Variants in RPS6KA5 observed in about 807,000 individuals in gnomAD.
The protein encoded by RPS6KA5 is ribosomal protein S6 kinase A5.
In RPS6KA5, 27 loss-of-function variants were observed where a neutral mutation model predicts 85.5. That is an observed-to-expected ratio of 0.32 (90% confidence interval 0.23 to 0.44). The LOEUF is 0.44. Ranked by LOEUF, RPS6KA5 falls within the 20% of genes least tolerant of loss-of-function variation. The probability of loss-of-function intolerance (pLI) is 1.00; values close to 1 mark genes in which losing one functional copy is unlikely to be tolerated. For missense variants in RPS6KA5, 811 were observed against 980.9 expected (o/e 0.83, Z 2.31); for synonymous variants, 334 against 348.2 (o/e 0.96, Z 0.46).
At chr14:90,968,309 T>A (rs1455255059) in intron 3 of RPS6KA5, among the ~76,000 whole-genome samples, 1 of 152,058 alleles carries the variant, frequency 6.6e-6, no homozygotes, top group Non-Finnish European at 1.5e-5. Context: ...CCTCCCTCCC[T>A]CTTCCTATTG....
intron 1 of RPS6KA5, among the ~76,000 whole-genome samples, chr14:91,026,688 G>A (rs1176240723): frequency 6.6e-6 from 1 of 152,152 alleles, no homozygotes; most frequent in East Asian, 1.9e-4. Context: ...TAGATCAAAT[G>A]GTAGTTCTAA....
intron 5 of RPS6KA5, among the ~76,000 whole-genome samples, chr14:90,928,414 C>T (rs762976203): frequency 3.3e-5 from 5 of 151,318 alleles, no homozygotes; most frequent in Non-Finnish European, 5.9e-5. Context: ...AAATAATAAA[C>T]CTCATCAAAG....
chr14:90,975,667 C>T (rs1051089870), intron 3 of RPS6KA5, among the ~76,000 whole-genome samples: 1 of 152,128 alleles, frequency 6.6e-6, no homozygotes, highest in African/African-American at 2.4e-5. Flanking sequence ...TTTAAGCCAC[C>T]CAGCCCTAGC....
At chr14:90,920,360 T>A (rs1484927461) in intron 6 of RPS6KA5, 51 bp from the exon 7 acceptor site, 1 of 1,239,222 alleles carries the variant, frequency 8.1e-7, no homozygotes. Flanking sequence ...TAAAATATTT[T>A]ATAAGAAAGA....
intron 2 of RPS6KA5, among the ~76,000 whole-genome samples, chr14:90,978,742 G>A (rs547922853): frequency 3.9e-5 from 6 of 152,192 alleles, no homozygotes; most frequent in South Asian, 4.2e-4. Context: ...AACCACTGAT[G>A]ACAAAATTAT....
chr14:91,032,542 T>C (rs1171118920), intron 1 of RPS6KA5, among the ~76,000 whole-genome samples: 1 of 152,094 alleles, frequency 6.6e-6, no homozygotes, highest in East Asian at 1.9e-4. Flanking sequence ...TACCTAACTA[T>C]GCACTACAGC....
intron 4 of RPS6KA5, among the ~76,000 whole-genome samples, chr14:90,943,435 G>C (rs1232033856): frequency 2.0e-5 from 3 of 152,032 alleles, no homozygotes; most frequent in Admixed American, 6.6e-5. Context: ...AGCTTCTTTA[G>C]GGCCTCCCTC....
chr14:90,906,266 T>G lies in RPS6KA5; in HGVS notation c.840A>C (p.Gln280His). 2 of 1,611,404 alleles carry G rather than the reference T, an allele frequency of 1.2e-6. No homozygotes were observed. Among genetic ancestry groups the G allele is most frequent in the Non-Finnish European group, 1.7e-6 (2 of 1,178,018 alleles). Reference protein sequence around the residue: ...RILKSEPPYPQEMSALAKDLI... With the variant: ...RILKSEPPYPHEMSALAKDLI... ...GGTCTTTCGCTAAAGCACTCATTTC[T>G]TGGGGATATGGAGGCTCACTTTTTA... is the stretch of plus-strand genomic sequence containing the variant. The change falls in exon 8 of 17, where the codon CAA (glutamine) becomes CAC (histidine). Residue 280 changes from glutamine (Q) to histidine (H), a missense_variant. Coordinates refer to ENST00000614987, the MANE Select transcript of RPS6KA5 (RefSeq NM_004755.4).
intron 1 of RPS6KA5, among the ~76,000 whole-genome samples, chr14:91,020,891 G>GT: frequency 6.6e-6 from 1 of 151,690 alleles, no homozygotes. Flanking sequence ...ATAATTTTTT[G>GT]TTTCACTGGC....
rs977250777 is a variant in RPS6KA5, at chr14:90,865,860, C to T, written c.*6214G>A. 2 of 152,266 alleles carry T rather than the reference C, an allele frequency of 1.3e-5. No homozygotes were observed. The highest frequency in any genetic ancestry group is 1.3e-4 in the Admixed American group (2 of 15,294). The allele number at this position is 152,266 out of a possible 1,614,324, so 9.4% of individuals were successfully genotyped here. On this transcript the variant is annotated 3_prime_UTR_variant, in exon 17 of 17. Coordinates refer to ENST00000614987, the MANE Select transcript of RPS6KA5 (RefSeq NM_004755.4). ...TTTGTCCATACGGGCACTGAAATAACATTTTTGTAAAGTAGCCTTCTCTAT... is the reference window on the plus strand; with the variant it reads ...TTTGTCCATACGGGCACTGAAATAATATTTTTGTAAAGTAGCCTTCTCTAT...
At chr14:90,912,110 C>T (rs892032584) in intron 7 of RPS6KA5, among the ~76,000 whole-genome samples, 1 of 152,148 alleles carries the variant, frequency 6.6e-6, no homozygotes, top group Non-Finnish European at 1.5e-5. Flanking sequence ...TTCTTCTTAC[C>T]TAAAAGCACT....
chr14:90,871,921 G>T lies in RPS6KA5; in HGVS notation c.*153C>A. On this transcript the variant is annotated 3_prime_UTR_variant, in exon 17 of 17. Transcript: ENST00000614987. ...CATTCTCTGTCCAGTGCTTTTGAAT[G>T]AGGATAACCAAACAGGTTTTCCTGA... The T allele has an allele frequency of 1.1e-6, 1 of 943,448 alleles. No individual in the cohort carries two copies. Among genetic ancestry groups the T allele is most frequent in the Non-Finnish European group, 1.6e-6 (1 of 627,196 alleles). The allele number at this position is 943,448 out of a possible 1,614,324, so 58.4% of individuals were successfully genotyped here.
At chr14:90,904,593 T>A (rs2035398809) in intron 8 of RPS6KA5, among the ~76,000 whole-genome samples, 1 of 152,192 alleles carries the variant, frequency 6.6e-6, no homozygotes, top group Non-Finnish European at 1.5e-5. Context: ...GGCCATTGTA[T>A]ATATATTAAA....
In RPS6KA5 at chr14:90,849,525, G is replaced by A. The variant is rs2031883366; in HGVS notation, c.*22549C>T. ...CTACATACGGCTAATCGCTGCTAGT[G>A]TTTAGAGTCTGTGGCTGACTCATCT... On this transcript the variant is annotated 3_prime_UTR_variant, in exon 17 of 17. Coordinates refer to ENST00000614987, the MANE Select transcript of RPS6KA5 (RefSeq NM_004755.4). 2 of 152,222 alleles carry A rather than the reference G, an allele frequency of 1.3e-5. No homozygotes were observed. The highest frequency in any genetic ancestry group is 2.9e-5 in the Non-Finnish European group (2 of 68,090). 9.4% of individuals were successfully genotyped at this position (152,222 alleles called of 1,614,324 possible). A position where few individuals can be genotyped will look rare whatever the true frequency, so the allele number is the denominator to read the frequency against.
At position 91,026,638 on chromosome 14, in the gene RPS6KA5, T is replaced by C. The variant is rs79202031; in HGVS notation, c.104-25479A>G. 2.3e-3 allele frequency among the ~76,000 whole-genome samples: 343 copies of C among 152,352 alleles called. 13 individuals are homozygous for C. In the East Asian group the frequency reaches 0.058, roughly 26 times the overall value. On this transcript the variant is annotated intron_variant, in intron 1 of 16. Transcript: ENST00000614987. ...TGAACATACAAGTGCATGTGTCTAT[T>C]GTGATATTCATTTAGGCACATACTC...
intron 4 of RPS6KA5, among the ~76,000 whole-genome samples, chr14:90,945,828 C>T (rs1042237336): frequency 2.0e-5 from 3 of 151,922 alleles, no homozygotes; most frequent in African/African-American, 7.3e-5. Context: ...TATGGCAAAA[C>T]CTCATCTCTA....
At chr14:90,964,927 A>AC (rs2038983398) in intron 3 of RPS6KA5, among the ~76,000 whole-genome samples, 1 of 149,600 alleles carries the variant, frequency 6.7e-6, no homozygotes, top group African/African-American at 2.5e-5. Context: ...AAAAAAAAAA[A>AC]AAAAAAAACC....
At chr14:91,040,197 G>GA (rs2042551714) in intron 1 of RPS6KA5, among the ~76,000 whole-genome samples, 1 of 152,168 alleles carries the variant, frequency 6.6e-6, no homozygotes, top group Non-Finnish European at 1.5e-5. Flanking sequence ...ACTTGAGGTC[G>GA]AGAGTTTGAG....
At position 90,853,922 on chromosome 14, in the gene RPS6KA5, A is replaced by T. The variant is rs2032144106; in HGVS notation, c.*18152T>A. 2 of 152,096 alleles carry T rather than the reference A, an allele frequency of 1.3e-5. No homozygotes were observed. The highest frequency in any genetic ancestry group is 2.4e-5 in the African/African-American group (1 of 41,410). 9.4% of individuals were successfully genotyped at this position (152,096 alleles called of 1,614,324 possible). ...TGATTAATCATTTGTACCAGAGAAA[A>T]CTCTGTATATACCAGTACAGGTGGG... On this transcript the variant is annotated 3_prime_UTR_variant, in exon 17 of 17. Transcript: ENST00000614987.
Sources: allele counts gnomAD v4.1 joint callset (sites outside exome capture counted in the v4.1 genomes callset), GRCh38; gene constraint gnomAD v4.1.1; transcripts MANE v1.5; gene names NCBI Gene and HGNC (gene_info 2026-07-23, HGNC 2026-07-21).